Variants in TECPR2 observed in about 807,000 individuals in gnomAD.
TECPR2 encodes the protein tectonin beta-propeller repeat containing 2.
TECPR2 carries 65 observed loss-of-function variants against 138.1 expected under a neutral mutation model. The ratio of observed to expected loss-of-function variants is 0.47; its 90% CI spans 0.39 to 0.58. The LOEUF (loss-of-function observed/expected upper bound fraction) is 0.58, where lower values mean the gene tolerates loss of function less well. TECPR2 is among the 20% of genes least tolerant of loss of function. The probability of loss-of-function intolerance (pLI) is 0.00; values close to 1 mark genes in which losing one functional copy is unlikely to be tolerated. For synonymous variants in TECPR2, 746 were observed against 749.8 expected (o/e 0.99, Z 0.08); for missense variants, 1,553 against 1,824.5 (o/e 0.85, Z 2.71).
intron 2 of TECPR2, among the ~76,000 whole-genome samples, chr14:102,383,850 A>G (rs964819597): frequency 2.6e-5 from 4 of 152,150 alleles, no homozygotes; most frequent in Admixed American, 6.6e-5. Context: ...CAGTTTAACC[A>G]ATAATTAGTT....
intron 17 of TECPR2, chr14:102,465,639 CA>C: frequency 1.0e-6 from 1 of 995,484 alleles, no homozygotes; most frequent in Non-Finnish European, 1.2e-6. Flanking sequence ...AATCAGTACC[CA>C]GAAGTATAAA....
chr14:102,418,469 C>T (rs1889087530), intron 5 of TECPR2, among the ~76,000 whole-genome samples: 1 of 152,224 alleles, frequency 6.6e-6, no homozygotes, highest in South Asian at 2.1e-4. Context: ...GGGCTGATTC[C>T]TGAAACAAAG....
intron 2 of TECPR2, among the ~76,000 whole-genome samples, chr14:102,400,401 G>A (rs1348608850): frequency 6.6e-6 from 1 of 152,056 alleles, no homozygotes. Flanking sequence ...AATTTCTAAA[G>A]CATTTAAAAT....
chr14:102,492,012 G>T (rs1891170556), intron 17 of TECPR2, among the ~76,000 whole-genome samples: 1 of 152,186 alleles, frequency 6.6e-6, no homozygotes, highest in Non-Finnish European at 1.5e-5. Flanking sequence ...TGGTAGGGGT[G>T]GTATGGTGTA....
At chr14:102,461,652 C>T (rs375822309) in intron 16 of TECPR2, among the ~76,000 whole-genome samples, 5 of 152,332 alleles carry the variant, frequency 3.3e-5, no homozygotes, top group South Asian at 2.1e-4. Flanking sequence ...CCGTGGCCCC[C>T]GCTCCACGAA....
chr14:102,368,502 A>T (rs550246649), intron 1 of TECPR2, among the ~76,000 whole-genome samples: 27 of 152,278 alleles, frequency 1.8e-4, no homozygotes, highest in South Asian at 8.3e-4. Flanking sequence ...CACTGCACCC[A>T]GCTTTTAAAA....
intron 16 of TECPR2, among the ~76,000 whole-genome samples, chr14:102,457,565 T>C (rs1475587872): frequency 6.6e-6 from 1 of 152,158 alleles, no homozygotes; most frequent in Non-Finnish European, 1.5e-5. Context: ...GTGTTACTTA[T>C]CTGGAATTAA....
intron 4 of TECPR2, among the ~76,000 whole-genome samples, chr14:102,413,809 C>G (rs1195577408): frequency 6.8e-6 from 1 of 147,812 alleles, no homozygotes; most frequent in Admixed American, 6.7e-5. Context: ...GTTTTTTTTT[C>G]TTTTTTAAAG....
chr14:102,468,436 C>T (rs1205387148), intron 17 of TECPR2, among the ~76,000 whole-genome samples: 1 of 152,224 alleles, frequency 6.6e-6, no homozygotes, highest in Non-Finnish European at 1.5e-5. Flanking sequence ...ATCCGCCTAC[C>T]TGGGTCTCCC....
At chr14:102,425,354 C>G in intron 6 of TECPR2, 63 bp downstream of exon 6, 1 of 1,492,804 alleles carries the variant, frequency 6.7e-7, no homozygotes, top group Non-Finnish European at 9.0e-7. Flanking sequence ...TCTCTATAAA[C>G]TGTTCTACTC....
chr14:102,375,062 C>T (rs779246653), intron 1 of TECPR2, among the ~76,000 whole-genome samples: 2 of 152,112 alleles, frequency 1.3e-5, no homozygotes, highest in Non-Finnish European at 2.9e-5. Flanking sequence ...GTGGCTCACA[C>T]CTGTAATCCA....
At chr14:102,474,389 C>T (rs1044408671) in intron 17 of TECPR2, among the ~76,000 whole-genome samples, 1 of 152,208 alleles carries the variant, frequency 6.6e-6, no homozygotes, top group African/African-American at 2.4e-5. Context: ...CTTTGGGAGG[C>T]CCATGTGGGC....
At position 102,498,994 on chromosome 14, in the gene TECPR2, T is replaced by C. The variant is rs1032326640; in HGVS notation, c.*737T>C. 20 of 692,824 alleles carry C rather than the reference T, an allele frequency of 2.9e-5. No individual in the cohort carries two copies. Among genetic ancestry groups the C allele is most frequent in the Non-Finnish European group, 4.7e-5 (18 of 380,716 alleles). The allele number at this position is 692,824 out of a possible 1,614,324, so 42.9% of individuals were successfully genotyped here. A position where few individuals can be genotyped will look rare whatever the true frequency, so the allele number is the denominator to read the frequency against. ...CAACACACCACACCCCACACCGCAC[T>C]GCACCGCACCGCACCGCACCGTACC... On this transcript the variant is annotated 3_prime_UTR_variant, in exon 20 of 20. Transcript: ENST00000359520.
At chr14:102,483,968 T>C (rs1202372757) in intron 17 of TECPR2, among the ~76,000 whole-genome samples, 1 of 33,092 alleles carries the variant, frequency 3.0e-5, no homozygotes. Flanking sequence ...GGCTGATTCT[T>C]ATATTTTCAG....
At chr14:102,478,787 A>T (rs1245889426) in intron 17 of TECPR2, among the ~76,000 whole-genome samples, 1 of 152,028 alleles carries the variant, frequency 6.6e-6, no homozygotes, top group Non-Finnish European at 1.5e-5. Flanking sequence ...AGGCCGAGGC[A>T]GGTGGATCAC....
chr14:102,450,563 C>T lies in TECPR2; in HGVS notation c.3320C>T (p.Thr1107Ile), dbSNP rs1890111720. Residue 1107 changes from threonine to isoleucine, a missense_variant, in exon 15 of 20, where the codon ACC (threonine) becomes ATC (isoleucine). Thr to Ile is a moderately conservative substitution (Grantham distance 89). Coordinates refer to ENST00000359520, the MANE Select transcript of TECPR2 (RefSeq NM_014844.5). ...FHVAKGSLIG[T>I]YWNHVVPRGT... Reference sequence around the variant, plus strand: ...TCTTCCTATTTACTCTTTCCAGGCACCTACTGGAATCATGTGGTTCCCCGT... The same window carrying T: ...TCTTCCTATTTACTCTTTCCAGGCATCTACTGGAATCATGTGGTTCCCCGT... 1.9e-6 allele frequency: 3 copies of T among 1,613,954 alleles called. No homozygotes were observed. The highest frequency in any genetic ancestry group is 2.7e-5 in the African/African-American group (2 of 74,934).
chr14:102,464,473 A>G (rs913450013), intron 16 of TECPR2, among the ~76,000 whole-genome samples: 6 of 151,950 alleles, frequency 3.9e-5, no homozygotes, highest in African/African-American at 1.2e-4. Flanking sequence ...GGTCACTGCA[A>G]CCTCGACTTC....
rs182985638 is a variant in TECPR2 at position 102,461,293 on chromosome 14, A to G, written c.3641-3848A>G. 3.3e-5 allele frequency among the ~76,000 whole-genome samples: 5 copies of G among 152,320 alleles called. No individual in the cohort carries two copies. In the East Asian group the frequency reaches 9.6e-4, roughly 29 times the overall value. ...TGTTTAGCAAACTAATGAAATTTGT[A>G]ATTTAATTTATCAGGTCACAGCATT... On this transcript the variant is annotated intron_variant, in intron 16 of 19. Coordinates refer to ENST00000359520, the MANE Select transcript of TECPR2 (RefSeq NM_014844.5).
rs1891400765 is a variant in TECPR2 at position 102,499,988 on chromosome 14, GTGTC to G, written c.*1735_*1738del. ...GCCCCAGGCCGGGCTGCATCTCTCT[GTGTC>G]TGTTGTGCCTTGCCCGGCGCCTCAC... On this transcript the variant is annotated 3_prime_UTR_variant, in exon 20 of 20. Transcript: ENST00000359520. 1 of 152,834 alleles carries G rather than the reference GTGTC, an allele frequency of 6.5e-6. No homozygotes were observed. Among genetic ancestry groups the G allele is most frequent in the South Asian group, 2.1e-4 (1 of 4,838 alleles). 9.5% of individuals were successfully genotyped at this position (152,834 alleles called of 1,614,324 possible). A position where few individuals can be genotyped will look rare whatever the true frequency, so the allele number is the denominator to read the frequency against.
Sources: gnomAD v4.1 joint callset for allele counts (sites outside exome capture counted in the v4.1 genomes callset) on GRCh38, gnomAD v4.1.1 for gene constraint, MANE v1.5 for transcripts, NCBI Gene and HGNC (gene_info 2026-07-23, HGNC 2026-07-21) for gene names.